Variants in PDE1C observed in about 807,000 individuals in gnomAD.
PDE1C encodes the protein phosphodiesterase 1C.
PDE1C carries 62 observed loss-of-function variants against 93.1 expected under a neutral mutation model. The observed-to-expected ratio is 0.67, with a 90% CI of 0.54 to 0.82. PDE1C has a LOEUF of 0.82. Ranked by LOEUF, PDE1C falls within the 40% of genes least tolerant of loss-of-function variation. The pLI is 0.00. For missense variants in PDE1C, 742 were observed against 884.6 expected, an observed-to-expected ratio of 0.84 and a Z score of 2.04; for synonymous variants, 325 against 310.1, an observed-to-expected ratio of 1.05 and a Z score of -0.50.
Position 32,191,595 on chromosome 7 carries a change from GCA to G in PDE1C, c.136+17892_136+17893del, listed in dbSNP as rs142402758. 7.6e-4 allele frequency among the ~76,000 whole-genome samples: 116 copies of G among 152,238 alleles called. 5 individuals are homozygous for G. The East Asian group carries it at 0.019, about 26-fold the overall frequency. On this transcript the variant is annotated intron_variant, in intron 2 of 18. Transcript: ENST00000396193. ...CCCTTTCTTGCTGAGTAATAGTCCA[GCA>G]CAGTTTGTTTAACCATTCATCTGTT...
the PDE1C span, chr7:31,697,258 C>A: frequency 2.0e-6 from 2 of 1,020,058 alleles, no homozygotes; most frequent in Non-Finnish European, 2.8e-6. Flanking sequence ...AGAAGCCACA[C>A]TCAGTGCTAC....
At chr7:32,344,013 AC>A (rs1401140644) in intron 1 of PDE1C, among the ~76,000 whole-genome samples, 1 of 152,240 alleles carries the variant, frequency 6.6e-6, no homozygotes, top group African/African-American at 2.4e-5. Context: ...CAAATGGCAT[AC>A]AAATTTTGAT....
At chr7:32,198,838 C>T (rs1026074146) in intron 2 of PDE1C, among the ~76,000 whole-genome samples, 1 of 152,140 alleles carries the variant, frequency 6.6e-6, no homozygotes, top group African/African-American at 2.4e-5. Context: ...AGAAACTCAG[C>T]CGGGCGCAGT....
intron 1 of PDE1C, among the ~76,000 whole-genome samples, chr7:32,309,160 C>A (rs1242978106): frequency 1.3e-5 from 2 of 151,464 alleles, no homozygotes; most frequent in Non-Finnish European, 1.5e-5. Context: ...TGATGGAAGA[C>A]GAAATGAATG....
chr7:32,110,441 C>T (rs952369119), intron 3 of PDE1C, among the ~76,000 whole-genome samples: 4 of 152,152 alleles, frequency 2.6e-5, no homozygotes, highest in South Asian at 2.1e-4. Flanking sequence ...TCCCATGACA[C>T]GTGGAAGTTG....
intron 2 of PDE1C, among the ~76,000 whole-genome samples, chr7:32,016,955 C>T (rs542301222): frequency 3.3e-5 from 5 of 152,218 alleles, no homozygotes; most frequent in East Asian, 1.9e-4. Context: ...TGCCTGAGTT[C>T]GAAGCCTGCG....
chr7:32,218,215 C>G (rs1806570077), intron 1 of PDE1C, among the ~76,000 whole-genome samples: 1 of 152,264 alleles, frequency 6.6e-6, no homozygotes, highest in African/African-American at 2.4e-5. Context: ...AACCCCCACT[C>G]TGTTCCTTTC....
intron 17 of PDE1C, among the ~76,000 whole-genome samples, chr7:31,762,053 A>G (rs1794864297): frequency 6.6e-6 from 1 of 152,236 alleles, no homozygotes; most frequent in South Asian, 2.1e-4. Flanking sequence ...AGATGAAGAC[A>G]TTTAGGAACT....
chr7:32,314,240 G>T (rs546270870), intron 1 of PDE1C, among the ~76,000 whole-genome samples: 27 of 152,132 alleles, frequency 1.8e-4, no homozygotes, highest in Non-Finnish European at 3.7e-4. Flanking sequence ...GGTGAAAATT[G>T]CATTATCTTG....
rs191240163 is a variant in PDE1C, at chr7:32,277,674, G to A, written c.85+20977C>T. Among the ~76,000 whole-genome samples the A allele has an allele frequency of 3.3e-5, 5 of 152,300 alleles. No individual in the cohort carries two copies. The East Asian group carries it at 9.6e-4, about 29-fold the overall frequency. On this transcript the variant is annotated intron_variant, in intron 1 of 18. Transcript: ENST00000396193. ...GGTCACCAGACAAAAGGAAGAAAGA[G>A]AAAGATGCTTCAAACCTCCTCTTTC...
chr7:32,142,278 AAGG>A (rs1232492718), intron 3 of PDE1C, among the ~76,000 whole-genome samples: 1 of 152,214 alleles, frequency 6.6e-6, no homozygotes, highest in Non-Finnish European at 1.5e-5. Context: ...AAAGGCACTC[AAGG>A]AGGTTTTATT....
At chr7:32,409,327 C>G (rs1447224526) in intron 1 of PDE1C, among the ~76,000 whole-genome samples, 1 of 152,014 alleles carries the variant, frequency 6.6e-6, no homozygotes, top group Non-Finnish European at 1.5e-5. Context: ...AGCCATTGCA[C>G]CCCAGCCTGG....
At chr7:32,339,010 GCACACACACACACA>G (rs57740255) in intron 1 of PDE1C, among the ~76,000 whole-genome samples, 18 of 138,632 alleles carry the variant, frequency 1.3e-4, no homozygotes, top group East Asian at 2.2e-4. Context: ...CTCAAAAAAA[GCACACACACACACA>G]CACACACACA....
Position 32,167,371 on chromosome 7 carries a change from T to C in PDE1C, c.308+2414A>G, listed in dbSNP as rs113649096. On this transcript the variant is annotated intron_variant, in intron 3 of 18. Transcript: ENST00000396193. ...CCCTTCCTTTTGAGAATCAACATTATTAGAATATGTCTGAGAAAAATTGTG... is the reference window on the plus strand; with the variant it reads ...CCCTTCCTTTTGAGAATCAACATTACTAGAATATGTCTGAGAAAAATTGTG... Among the ~76,000 whole-genome samples the C allele has an allele frequency of 3.9e-5, 6 of 152,274 alleles. 1 individual carries two copies. The highest frequency in any genetic ancestry group is 1.4e-4 in the African/African-American group (6 of 41,538).
At chr7:31,945,014 T>C (rs1806414619) in intron 2 of PDE1C, among the ~76,000 whole-genome samples, 1 of 152,196 alleles carries the variant, frequency 6.6e-6, no homozygotes, top group African/African-American at 2.4e-5. Context: ...TTATATAATC[T>C]CATTTTACTT....
chr7:32,186,324 G>T (rs1259037581), intron 2 of PDE1C, among the ~76,000 whole-genome samples: 1 of 151,456 alleles, frequency 6.6e-6, no homozygotes, highest in African/African-American at 2.4e-5. Context: ...GGATGGTCTC[G>T]ATCTCCTGAC....
At chr7:32,144,463 A>G (rs1490667005) in intron 3 of PDE1C, among the ~76,000 whole-genome samples, 1 of 152,152 alleles carries the variant, frequency 6.6e-6, no homozygotes, top group Admixed American at 6.6e-5. Flanking sequence ...GGCAATCATC[A>G]TGGCTGGAGG....
intron 3 of PDE1C, among the ~76,000 whole-genome samples, chr7:32,118,304 T>C (rs1209958632): frequency 6.6e-6 from 1 of 152,148 alleles, no homozygotes; most frequent in African/African-American, 2.4e-5. Flanking sequence ...CACCGTGGAC[T>C]TAAGGCCAGG....
chr7:32,121,728 A>C (rs1336357556), intron 3 of PDE1C, among the ~76,000 whole-genome samples: 1 of 152,196 alleles, frequency 6.6e-6, no homozygotes, highest in Non-Finnish European at 1.5e-5. Flanking sequence ...GAAGCACTAG[A>C]TATGGCAAGG....
Sources: allele counts gnomAD v4.1 joint callset (sites outside exome capture counted in the v4.1 genomes callset), GRCh38; gene constraint gnomAD v4.1.1; transcripts MANE v1.5; gene names NCBI Gene and HGNC (gene_info 2026-07-23, HGNC 2026-07-21).